Variants in NCOA2 observed in about 807,000 individuals in gnomAD.
The protein encoded by NCOA2 is nuclear receptor coactivator 2.
A neutral mutation model predicts 145.1 loss-of-function variants in NCOA2; 21 were observed. That is an observed-to-expected ratio of 0.14 (90% CI 0.10 to 0.21). NCOA2 has a LOEUF of 0.21. Ranked by LOEUF, NCOA2 falls within the 10% of genes least tolerant of loss-of-function variation. The probability of loss-of-function intolerance (pLI) is 1.00; values close to 1 mark genes in which losing one functional copy is unlikely to be tolerated. For synonymous variants in NCOA2, 619 were observed against 637.5 expected (o/e 0.97, Z 0.44); for missense variants, 1,472 against 1,837.6 (o/e 0.80, Z 3.64).
At chr8:70,196,048 T>C (rs1047175473) in intron 4 of NCOA2, among the ~76,000 whole-genome samples, 3 of 152,196 alleles carry the variant, frequency 2.0e-5, no homozygotes, top group African/African-American at 7.2e-5. Flanking sequence ...TTCATGGCCA[T>C]GAGGAATTCT....
intron 22 of NCOA2, among the ~76,000 whole-genome samples, chr8:70,120,618 G>A (rs1286994110): frequency 1.3e-5 from 2 of 152,252 alleles, no homozygotes; most frequent in Admixed American, 1.3e-4. Context: ...CTACTCAAGA[G>A]GCTGAGGCAG....
In NCOA2 at chr8:70,186,395, A is replaced by C. The variant is rs185597102; in HGVS notation, c.260-11536T>G. On this transcript the variant is annotated intron_variant, in intron 4 of 22. Transcript: ENST00000452400. The stretch of plus-strand genomic sequence containing the variant: ...CTCACTTTCCTCCCCTGACCAGCTA[A>C]TCTCAGAATGGTCCCAGTCCTTATG... Among the ~76,000 whole-genome samples, 488 of 152,254 alleles carry C rather than the reference A, an allele frequency of 3.2e-3. 3 individuals carry two copies. Among genetic ancestry groups the C allele is most frequent in the South Asian group, 0.025 (120 of 4,818 alleles).
At chr8:70,318,170 A>C (rs1805763518) in intron 1 of NCOA2, among the ~76,000 whole-genome samples, 1 of 152,160 alleles carries the variant, frequency 6.6e-6, no homozygotes, top group Non-Finnish European at 1.5e-5. Context: ...TGCAGTCATA[A>C]TGCTTAATCA....
At chr8:70,215,084 C>A (rs1819458634) in intron 3 of NCOA2, among the ~76,000 whole-genome samples, 1 of 151,976 alleles carries the variant, frequency 6.6e-6, no homozygotes, top group African/African-American at 2.4e-5. Context: ...CAGGATCACC[C>A]CACGAATTAC....
intron 1 of NCOA2, among the ~76,000 whole-genome samples, chr8:70,385,534 T>G (rs1029583337): frequency 2.0e-5 from 3 of 152,176 alleles, no homozygotes; most frequent in Admixed American, 1.3e-4. Context: ...TCAAGCACTC[T>G]TCCCACCTCA....
intron 1 of NCOA2, among the ~76,000 whole-genome samples, chr8:70,298,606 T>A (rs981147101): frequency 6.6e-6 from 1 of 152,194 alleles, no homozygotes; most frequent in Non-Finnish European, 1.5e-5. Flanking sequence ...TACCAACAAC[T>A]AATTTGCTCA....
the NCOA2 span, among the ~76,000 whole-genome samples, chr8:70,449,530 C>T: frequency 3.3e-5 from 5 of 152,242 alleles, no homozygotes; most frequent in Admixed American, 2.6e-4. Flanking sequence ...CAAAGGAACA[C>T]GACCAGGGAG....
At chr8:70,181,589 C>T (rs1316245540) in intron 4 of NCOA2, among the ~76,000 whole-genome samples, 1 of 152,098 alleles carries the variant, frequency 6.6e-6, no homozygotes, top group Non-Finnish European at 1.5e-5. Context: ...GTTGTTTTTA[C>T]AGAAGCTGTA....
intron 1 of NCOA2, among the ~76,000 whole-genome samples, chr8:70,393,887 A>G (rs748314802): frequency 6.6e-6 from 1 of 152,230 alleles, no homozygotes; most frequent in African/African-American, 2.4e-5. Flanking sequence ...ATGCCCTTCA[A>G]CGTCCAGGCA....
the NCOA2 span, among the ~76,000 whole-genome samples, chr8:70,428,435 G>A: frequency 2.0e-5 from 3 of 151,972 alleles, no homozygotes; most frequent in Non-Finnish European, 2.9e-5. Flanking sequence ...ACTTCATCCT[G>A]GGCAAGACCT....
intron 4 of NCOA2, among the ~76,000 whole-genome samples, chr8:70,190,888 T>C (rs1303448680): frequency 1.3e-5 from 2 of 152,122 alleles, no homozygotes; most frequent in African/African-American, 2.4e-5. Flanking sequence ...GAACTTCAAA[T>C]GACTACATTA....
At chr8:70,346,573 T>C (rs563951665) in intron 1 of NCOA2, among the ~76,000 whole-genome samples, 1 of 152,314 alleles carries the variant, frequency 6.6e-6, no homozygotes, top group Non-Finnish European at 1.5e-5. Flanking sequence ...ACAAAGAACA[T>C]CATTTATCAC....
intron 4 of NCOA2, among the ~76,000 whole-genome samples, chr8:70,209,762 T>C (rs750341338): frequency 1.3e-5 from 2 of 152,234 alleles, no homozygotes; most frequent in Non-Finnish European, 2.9e-5. Flanking sequence ...GTACGCTTAA[T>C]AGACTACAGT....
At chr8:70,159,236 ATATATATT>A (rs1422989344) in intron 10 of NCOA2, among the ~76,000 whole-genome samples, 2 of 16,046 alleles carry the variant, frequency 1.2e-4, no homozygotes, top group Non-Finnish European at 4.5e-4. Context: ...ATATATATAT[ATATATATT>A]TTTTTTTTTT....
intron 2 of NCOA2, among the ~76,000 whole-genome samples, chr8:70,243,825 G>T (rs1054597466): frequency 6.8e-6 from 1 of 147,856 alleles, no homozygotes; most frequent in Admixed American, 6.7e-5. Flanking sequence ...GGGAGAATAC[G>T]ATAGTTAAAA....
rs540448557 is a variant in NCOA2, at chr8:70,264,362, G to C, written c.-20+32382C>G. Among the ~76,000 whole-genome samples, 37 of 152,248 alleles carry C rather than the reference G, an allele frequency of 2.4e-4. No homozygotes were observed. The South Asian group carries it at 4.6e-3, about 19-fold the overall frequency. On this transcript the variant is annotated intron_variant, in intron 2 of 22. Coordinates refer to ENST00000452400, the MANE Select transcript of NCOA2 (RefSeq NM_006540.4). ...ATAAAATAATTAGCTGAACATGGTA[G>C]TACACACCTGTAGAATCAGCTCCTT... is the stretch of plus-strand genomic sequence containing the variant.
intron 2 of NCOA2, among the ~76,000 whole-genome samples, chr8:70,264,547 T>A (rs970287647): frequency 1.3e-5 from 2 of 152,098 alleles, no homozygotes; most frequent in Admixed American, 1.3e-4. Context: ...CCTATATACT[T>A]CAGGCTCCAA....
the NCOA2 span, among the ~76,000 whole-genome samples, chr8:70,450,914 C>T: frequency 6.7e-6 from 1 of 150,254 alleles, no homozygotes; most frequent in East Asian, 2.0e-4. Flanking sequence ...TCAGTGCTAT[C>T]TGTTCTTTAA....
chr8:70,326,453 G>GCACACA (rs142047406), intron 1 of NCOA2, among the ~76,000 whole-genome samples: 3 of 143,784 alleles, frequency 2.1e-5, no homozygotes, highest in African/African-American at 7.7e-5. Flanking sequence ...ACACACACGT[G>GCACACA]CACACACACA....
Sources: gnomAD v4.1 joint callset for allele counts (sites outside exome capture counted in the v4.1 genomes callset) on GRCh38, gnomAD v4.1.1 for gene constraint, MANE v1.5 for transcripts, NCBI Gene and HGNC (gene_info 2026-07-23, HGNC 2026-07-21) for gene names.